The following GRM1 variants were observed in gnomAD, a reference collection of about 807,000 sequenced individuals.
GRM1 encodes metabotropic glutamate receptor 1.
Under a neutral mutation model 90.9 loss-of-function variants are expected in GRM1, and 33 were observed. That is an observed-to-expected ratio of 0.36 (90% CI 0.28 to 0.49). The LOEUF is 0.49. Among genes scored for constraint, GRM1 ranks in the 20% least tolerant of loss-of-function variants. GRM1 has a pLI of 0.99. For missense variants in GRM1, 1,190 were observed against 1,534.3 expected (o/e 0.78, Z 3.75); for synonymous variants, 700 against 613.2 (o/e 1.14, Z -2.09).
chr6:146,240,786 C>T (rs1021604584), intron 2 of GRM1, among the ~76,000 whole-genome samples: 2 of 152,128 alleles, frequency 1.3e-5, no homozygotes, highest in Non-Finnish European at 2.9e-5. Context: ...TCCTTTGAGG[C>T]TTATTCAGTT....
intron 5 of GRM1, among the ~76,000 whole-genome samples, 191 bp from the exon 6 acceptor site, chr6:146,386,699 G>A (rs1776520094): frequency 6.6e-6 from 1 of 151,916 alleles, no homozygotes; most frequent in South Asian, 2.1e-4. Flanking sequence ...GGAATGAATT[G>A]ACAATTCCAT....
At chr6:146,333,927 AAT>A (rs1384607237) in intron 3 of GRM1, among the ~76,000 whole-genome samples, 3 of 152,210 alleles carry the variant, frequency 2.0e-5, no homozygotes, top group Non-Finnish European at 1.5e-5. Flanking sequence ...ATCTGAAAAA[AAT>A]AAAATGGAGT....
chr6:146,140,115 T>TTCTTTCTA (rs1776804954), intron 1 of GRM1, among the ~76,000 whole-genome samples: 1 of 132,094 alleles, frequency 7.6e-6, no homozygotes, highest in African/African-American at 2.9e-5. Context: ...CTTTCTTTCT[T>TTCTTTCTA]TCTTTCTTTC....
chr6:146,361,427 G>A lies in GRM1; in HGVS notation c.1602+3733G>A, dbSNP rs146256613. 9.7e-4 allele frequency among the ~76,000 whole-genome samples: 147 copies of A among 152,300 alleles called. 1 individual carries two copies. The highest frequency in any genetic ancestry group is 3.2e-3 in the African/African-American group (135 of 41,558). On this transcript the variant is annotated intron_variant, in intron 5 of 7. Coordinates refer to ENST00000282753, the MANE Select transcript of GRM1 (RefSeq NM_001278064.2). ...TGCAAGCAAACATCAGGGGCCTTGTGTGTGTGCTGGTCTCACATACAGAAC... is the reference window on the plus strand; with the variant it reads ...TGCAAGCAAACATCAGGGGCCTTGTATGTGTGCTGGTCTCACATACAGAAC...
At chr6:146,335,060 G>A (rs1030685588) in intron 3 of GRM1, among the ~76,000 whole-genome samples, 1 of 152,132 alleles carries the variant, frequency 6.6e-6, no homozygotes. Context: ...CCAGTTGCAG[G>A]TGTCTTATAG....
At chr6:146,134,520 G>A (rs1283427187) in intron 1 of GRM1, among the ~76,000 whole-genome samples, 5 of 152,182 alleles carry the variant, frequency 3.3e-5, no homozygotes, top group African/African-American at 1.2e-4. Flanking sequence ...AATCATGGCA[G>A]AAGAGGAAGC....
chr6:146,323,978 T>A (rs1023199146), intron 3 of GRM1, among the ~76,000 whole-genome samples: 13 of 152,236 alleles, frequency 8.5e-5, no homozygotes, highest in Admixed American at 4.6e-4. Flanking sequence ...AGTACCATGC[T>A]GTTTTGTTTA....
At chr6:146,315,082 T>C (rs1271599567) in intron 3 of GRM1, among the ~76,000 whole-genome samples, 2 of 152,166 alleles carry the variant, frequency 1.3e-5, no homozygotes, top group Non-Finnish European at 2.9e-5. Flanking sequence ...ACTGGGGAGT[T>C]ATATTTTATA....
intron 2 of GRM1, among the ~76,000 whole-genome samples, chr6:146,205,063 A>G (rs532500006): frequency 6.6e-6 from 1 of 152,222 alleles, no homozygotes; most frequent in Non-Finnish European, 1.5e-5. Flanking sequence ...GACTTCATTT[A>G]TATTCTGCAT....
chr6:146,241,471 T>G (rs752590140), intron 2 of GRM1, among the ~76,000 whole-genome samples: 1 of 152,156 alleles, frequency 6.6e-6, no homozygotes, highest in Non-Finnish European at 1.5e-5. Flanking sequence ...TTCCTGCATT[T>G]ATTTTATTTA....
chr6:146,338,360 C>CA (rs1453008058), intron 3 of GRM1, among the ~76,000 whole-genome samples: 1 of 152,228 alleles, frequency 6.6e-6, no homozygotes, highest in Admixed American at 6.5e-5. Context: ...TCAGCCCCAA[C>CA]AAGTCCTCTA....
chr6:146,207,329 C>A (rs1173999504), intron 2 of GRM1, among the ~76,000 whole-genome samples: 1 of 152,096 alleles, frequency 6.6e-6, no homozygotes, highest in Non-Finnish European at 1.5e-5. Context: ...ATTTGCACTT[C>A]TTTAATGGTC....
At chr6:146,391,793 C>A (rs1776733476) in intron 6 of GRM1, among the ~76,000 whole-genome samples, 1 of 151,956 alleles carries the variant, frequency 6.6e-6, no homozygotes, top group Non-Finnish European at 1.5e-5. Context: ...TGGATGGTTC[C>A]AGATTGGCAT....
chr6:146,135,001 G>A (rs564255121), intron 1 of GRM1, among the ~76,000 whole-genome samples: 1 of 152,244 alleles, frequency 6.6e-6, no homozygotes, highest in East Asian at 1.9e-4. Context: ...CACCTCCCAC[G>A]AGGTCCCTCC....
At chr6:146,342,669 AG>A (rs1785025306) in intron 3 of GRM1, among the ~76,000 whole-genome samples, 1 of 152,238 alleles carries the variant, frequency 6.6e-6, no homozygotes, top group South Asian at 2.1e-4. Context: ...TGAATAGAAC[AG>A]CACATGTAAA....
chr6:146,408,556 G>T (rs1241945040), intron 7 of GRM1, among the ~76,000 whole-genome samples: 3 of 152,024 alleles, frequency 2.0e-5, no homozygotes, highest in Admixed American at 1.3e-4. Context: ...ACATGGGAAG[G>T]TATATGAAAG....
At chr6:146,030,283 G>T (rs2128834712) in intron 1 of GRM1, 66 bp downstream of exon 1, 3 of 1,090,162 alleles carry the variant, frequency 2.8e-6, no homozygotes, top group East Asian at 2.4e-5. Flanking sequence ...GTGCTCCTGG[G>T]ATCATAGTAT....
intron 2 of GRM1, among the ~76,000 whole-genome samples, chr6:146,192,972 T>C (rs1320176325): frequency 1.3e-5 from 2 of 151,958 alleles, no homozygotes; most frequent in African/African-American, 2.4e-5. Context: ...AGTGGCCAGA[T>C]TAAGGATAGA....
chr6:146,043,151 C>G (rs755364725), intron 1 of GRM1, among the ~76,000 whole-genome samples: 5 of 151,808 alleles, frequency 3.3e-5, no homozygotes, highest in Non-Finnish European at 7.4e-5. Context: ...AAAAAATAAC[C>G]GTGCATGGTG....
Sources: allele counts gnomAD v4.1 joint callset (sites outside exome capture counted in the v4.1 genomes callset), GRCh38; gene constraint gnomAD v4.1.1; transcripts MANE v1.5; gene names NCBI Gene and HGNC (gene_info 2026-07-23, HGNC 2026-07-21).